Variants in SLC24A2 observed in about 807,000 individuals in gnomAD.
SLC24A2 encodes the protein solute carrier family 24 member 2.
In SLC24A2, 36 loss-of-function variants were observed where a neutral mutation model predicts 62.0. The ratio of observed to expected loss-of-function variants is 0.58; its 90% CI spans 0.44 to 0.77. SLC24A2 has a LOEUF of 0.77. Among genes scored for constraint, SLC24A2 ranks in the 30% least tolerant of loss-of-function variants. The pLI, the probability that SLC24A2 is intolerant of heterozygous loss-of-function variation, is 0.00. For synonymous variants in SLC24A2, 358 were observed against 294.0 expected (o/e 1.22, Z -2.23); for missense variants, 846 against 817.9 (o/e 1.03, Z -0.42).
chr9:19,958,995 C>T, the SLC24A2 span, among the ~76,000 whole-genome samples: 4 of 152,244 alleles, frequency 2.6e-5, no homozygotes, highest in South Asian at 6.2e-4. Flanking sequence ...GTCCCCCATC[C>T]CCTGCCAAAA....
At chr9:20,266,190 C>T in the SLC24A2 span, among the ~76,000 whole-genome samples, 21 of 152,268 alleles carry the variant, frequency 1.4e-4, no homozygotes, top group East Asian at 3.1e-3. Context: ...ACACCCTATT[C>T]GTACACTCCC....
the SLC24A2 span, among the ~76,000 whole-genome samples, chr9:19,947,769 G>T: frequency 8.4e-6 from 1 of 119,358 alleles, no homozygotes; most frequent in African/African-American, 3.5e-5. Flanking sequence ...CCAGCTTGAG[G>T]GTCACAGCGA....
chr9:19,526,327 T>C (rs1463484315), intron 9 of SLC24A2, among the ~76,000 whole-genome samples: 1 of 152,232 alleles, frequency 6.6e-6, no homozygotes, highest in Non-Finnish European at 1.5e-5. Flanking sequence ...TTACAAGTGT[T>C]TGTGGACGTA....
intron 5 of SLC24A2, among the ~76,000 whole-genome samples, chr9:19,584,621 CA>C (rs1230464176): frequency 6.6e-6 from 1 of 151,972 alleles, no homozygotes; most frequent in East Asian, 1.9e-4. Flanking sequence ...TTCTTAAAAG[CA>C]AAAATTTTTT....
chr9:19,684,486 A>C (rs1356507572), intron 2 of SLC24A2, among the ~76,000 whole-genome samples: 7 of 151,996 alleles, frequency 4.6e-5, no homozygotes, highest in African/African-American at 1.7e-4. Context: ...GGCTGGGGAG[A>C]GCAGTACCTT....
At chr9:20,078,116 C>T in the SLC24A2 span, among the ~76,000 whole-genome samples, 2 of 152,114 alleles carry the variant, frequency 1.3e-5, no homozygotes, top group African/African-American at 4.8e-5. Flanking sequence ...GAAAAAAATG[C>T]TTGATTAACC....
chr9:20,106,583 A>C, the SLC24A2 span, among the ~76,000 whole-genome samples: 8 of 152,216 alleles, frequency 5.3e-5, no homozygotes, highest in African/African-American at 1.9e-4. Context: ...TGTAAACAGA[A>C]CCAAAGACAA....
intron 2 of SLC24A2, among the ~76,000 whole-genome samples, chr9:19,663,113 G>A (rs1819150279): frequency 6.6e-6 from 1 of 152,158 alleles, no homozygotes; most frequent in Non-Finnish European, 1.5e-5. Context: ...CTCATTTCCT[G>A]GAATAGGAAA....
the SLC24A2 span, among the ~76,000 whole-genome samples, chr9:20,180,076 C>G: frequency 6.6e-6 from 1 of 152,138 alleles, no homozygotes; most frequent in Non-Finnish European, 1.5e-5. Context: ...TCAACATACA[C>G]AAAATCTAGA....
the SLC24A2 span, among the ~76,000 whole-genome samples, chr9:20,205,119 G>T: frequency 1.3e-5 from 2 of 152,186 alleles, no homozygotes; most frequent in African/African-American, 4.8e-5. Context: ...GTCAGTAAAA[G>T]AATTCACAGC....
At chr9:20,022,407 G>A in the SLC24A2 span, among the ~76,000 whole-genome samples, 1 of 152,120 alleles carries the variant, frequency 6.6e-6, no homozygotes, top group Admixed American at 6.5e-5. Flanking sequence ...ATAAATTAAA[G>A]GACTAAGGCA....
the SLC24A2 span, among the ~76,000 whole-genome samples, chr9:20,294,191 C>T: frequency 5.3e-5 from 8 of 152,108 alleles, no homozygotes; most frequent in South Asian, 8.3e-4. Context: ...AGTACAGATC[C>T]CATATCTGTA....
At chr9:20,021,009 T>C in the SLC24A2 span, among the ~76,000 whole-genome samples, 3 of 152,318 alleles carry the variant, frequency 2.0e-5, no homozygotes, top group South Asian at 2.1e-4. Context: ...TATACACTCA[T>C]ATGCTTTTGA....
chr9:19,949,316 C>T, the SLC24A2 span, among the ~76,000 whole-genome samples: 1 of 152,108 alleles, frequency 6.6e-6, no homozygotes, highest in Non-Finnish European at 1.5e-5. Context: ...TTAATCCAAT[C>T]TTTGGAGGAA....
chr9:20,203,132 A>G, the SLC24A2 span, among the ~76,000 whole-genome samples: 1 of 152,188 alleles, frequency 6.6e-6, no homozygotes, highest in South Asian at 2.1e-4. Context: ...GAAAAAAAAA[A>G]AAAGACTGGG....
At chr9:19,577,760 G>A (rs1393783573) in intron 5 of SLC24A2, among the ~76,000 whole-genome samples, 2 of 151,626 alleles carry the variant, frequency 1.3e-5, no homozygotes, top group Non-Finnish European at 2.9e-5. Flanking sequence ...ACAATTCACA[G>A]TTGCAAAGTG....
chr9:19,900,075 C>A, the SLC24A2 span, among the ~76,000 whole-genome samples: 1 of 152,188 alleles, frequency 6.6e-6, no homozygotes, highest in African/African-American at 2.4e-5. Flanking sequence ...ATAAAAGTGC[C>A]ATGGCCCAAG....
At chr9:19,922,241 G>A in the SLC24A2 span, among the ~76,000 whole-genome samples, 1 of 152,042 alleles carries the variant, frequency 6.6e-6, no homozygotes, top group African/African-American at 2.4e-5. Flanking sequence ...ATAGCTTCAG[G>A]GAATTCTATT....
intron 5 of SLC24A2, among the ~76,000 whole-genome samples, chr9:19,595,285 T>A (rs1219781690): frequency 6.6e-6 from 1 of 152,230 alleles, no homozygotes; most frequent in Admixed American, 6.5e-5. Flanking sequence ...TTGCTTTTTC[T>A]TTTTTTCCTT....
Sources: gnomAD v4.1 joint callset for allele counts (sites outside exome capture counted in the v4.1 genomes callset) on GRCh38, gnomAD v4.1.1 for gene constraint, MANE v1.5 for transcripts, NCBI Gene and HGNC (gene_info 2026-07-23, HGNC 2026-07-21) for gene names.